BRD1: variants seen among roughly 807,000 people sequenced by gnomAD.
BRD1 encodes the protein bromodomain-containing protein 1.
Under a neutral mutation model 107.7 loss-of-function variants are expected in BRD1, and 24 were observed. The ratio of observed to expected loss-of-function variants is 0.22; its 90% CI spans 0.16 to 0.31. The LOEUF is 0.31. Ranked by LOEUF, BRD1 falls within the 10% of genes least tolerant of loss-of-function variation. The pLI, the probability that BRD1 is intolerant of heterozygous loss-of-function variation, is 1.00. For synonymous variants in BRD1, 744 were observed against 686.1 expected, an observed-to-expected ratio of 1.08 and a Z score of -1.32; for missense variants, 1,279 against 1,638.6, an observed-to-expected ratio of 0.78 and a Z score of 3.79.
In BRD1 at chr22:49,794,312, T is replaced by C; in HGVS notation, c.2099-18A>G. 6.3e-7 allele frequency: 1 copy of C among 1,595,724 alleles called. No homozygotes were observed. The highest frequency in any genetic ancestry group is 8.6e-7 in the Non-Finnish European group (1 of 1,168,636). ...CCTGTCCACTGAACCAAAGGACACA[T>C]GCTGTCAGTCATCAGGTCCCACGCA... On this transcript the variant is annotated intron_variant, in intron 6 of 12. Transcript: ENST00000404760.
Position 49,787,531 on chromosome 22 carries a change from A to G in BRD1, c.2716T>C (p.Ser906Pro). The G allele has an allele frequency of 1.2e-6, 2 of 1,610,972 alleles. No individual in the cohort carries two copies. Among genetic ancestry groups the G allele is most frequent in the Non-Finnish European group, 1.7e-6 (2 of 1,178,570 alleles). Reference sequence around the variant, plus strand: ...AAGGTTTTGGTCCCTAGCTGAGGAGAAGTTGGCTGGGTTTCAGTGTTCTTG... The same window carrying G: ...AAGGTTTTGGTCCCTAGCTGAGGAGGAGTTGGCTGGGTTTCAGTGTTCTTG... ...SAKNTETQPT[S>P]PQLGTKTFLS... Residue 906 changes from serine (S) to proline (P), a missense_variant, in exon 8 of 13, where the codon TCT becomes CCT. Ser to Pro is a moderately conservative substitution (Grantham distance 74, BLOSUM62 -1). This residue lies in a region of BRD1 where 263 missense variants were observed against 251.6 expected (regional missense o/e 1.05). Transcript: ENST00000404760.
intron 8 of BRD1, 90 bp downstream of exon 8, chr22:49,787,300 C>CCG (rs1569096783): frequency 6.4e-6 from 1 of 157,274 alleles, no homozygotes; most frequent in Admixed American, 9.5e-5. Flanking sequence ...AAGCTGGACA[C>CCG]CCCCCCCCCC....
chr22:49,795,676 C>T (rs2059517457), intron 6 of BRD1, among the ~76,000 whole-genome samples: 1 of 152,222 alleles, frequency 6.6e-6, no homozygotes, highest in Admixed American at 6.5e-5. Context: ...AACCAGCGTA[C>T]GTCCTGAGCA....
At chr22:49,804,492 T>G in intron 2 of BRD1, 132 bp from the exon 3 acceptor site, 1 of 974,960 alleles carries the variant, frequency 1.0e-6, no homozygotes, top group Admixed American at 3.1e-5. Context: ...ATGACACCTG[T>G]ATTTCTACTA....
chr22:49,793,145 G>C (rs1334523420), intron 7 of BRD1, among the ~76,000 whole-genome samples: 1 of 152,194 alleles, frequency 6.6e-6, no homozygotes, highest in East Asian at 1.9e-4. Flanking sequence ...ACCGGAGCGT[G>C]TCAAGGTCAA....
chr22:49,782,383 C>T (rs1417928029), intron 8 of BRD1, among the ~76,000 whole-genome samples: 11 of 141,584 alleles, frequency 7.8e-5, no homozygotes, highest in Non-Finnish European at 1.2e-4. Flanking sequence ...ACCCACTCCG[C>T]GACAATGCAG....
chr22:49,797,070 T>C (rs1482854928), intron 6 of BRD1, among the ~76,000 whole-genome samples: 7 of 152,180 alleles, frequency 4.6e-5, no homozygotes, highest in African/African-American at 1.4e-4. Context: ...TGACAACCCA[T>C]GTGGGCAGGA....
At chr22:49,826,162 C>A (rs960045394) in intron 1 of BRD1, 3 of 985,260 alleles carry the variant, frequency 3.0e-6, no homozygotes, top group East Asian at 1.1e-4. Flanking sequence ...AGATCAGAAA[C>A]GAACCTGTCA....
chr22:49,813,043 C>T (rs748908745), intron 2 of BRD1, among the ~76,000 whole-genome samples: 9 of 152,186 alleles, frequency 5.9e-5, no homozygotes, highest in Non-Finnish European at 1.2e-4. Context: ...ACCCAGATGA[C>T]TCACCAGGCC....
intron 6 of BRD1, among the ~76,000 whole-genome samples, chr22:49,797,410 C>T (rs1276601006): frequency 2.6e-5 from 4 of 152,164 alleles, no homozygotes; most frequent in East Asian, 1.9e-4. Context: ...GGGTCTGCAT[C>T]GTCGAGACCG....
rs2059033569 is a variant in BRD1 at position 49,774,025 on chromosome 22, C to T, written c.*208G>A. On this transcript the variant is annotated 3_prime_UTR_variant, in exon 13 of 13. Transcript: ENST00000404760. ...GGCCTGGGGACGTGCGACAGACGCA[C>T]TGGGCTGCCCGGACGTGCCCACCCC... The T allele has an allele frequency of 7.3e-6, 4 of 549,544 alleles. No homozygotes were observed. The highest frequency in any genetic ancestry group is 3.7e-5 in the Admixed American group (1 of 27,300). The allele number at this position is 549,544 out of a possible 1,614,324, so 34.0% of individuals were successfully genotyped here.
intron 7 of BRD1, among the ~76,000 whole-genome samples, chr22:49,790,530 C>G (rs1376972338): frequency 6.6e-6 from 1 of 152,208 alleles, no homozygotes; most frequent in East Asian, 1.9e-4. Flanking sequence ...AAATGGTTAT[C>G]TAATCCAAAC....
intron 2 of BRD1, among the ~76,000 whole-genome samples, chr22:49,811,664 G>T (rs1304063745): frequency 6.6e-6 from 1 of 152,244 alleles, no homozygotes; most frequent in African/African-American, 2.4e-5. Context: ...CTTACTGCTG[G>T]AATTTCCCAT....
intron 8 of BRD1, among the ~76,000 whole-genome samples, chr22:49,786,463 A>C (rs2059327369): frequency 6.6e-6 from 1 of 152,252 alleles, no homozygotes; most frequent in African/African-American, 2.4e-5. Context: ...GAGTTCAGTT[A>C]CAAAAGCGCA....
chr22:49,779,278 C>T (rs879904919), intron 8 of BRD1, among the ~76,000 whole-genome samples: 6 of 152,342 alleles, frequency 3.9e-5, no homozygotes, highest in Middle Eastern at 3.4e-3. Context: ...CGTCTGTTCT[C>T]AATGAGCACG....
chr22:49,790,766 G>A (rs1338785494), intron 7 of BRD1, among the ~76,000 whole-genome samples: 3 of 152,176 alleles, frequency 2.0e-5, no homozygotes, highest in Non-Finnish European at 4.4e-5. Context: ...AATCCTGAAG[G>A]GACAAAGCTG....
In BRD1 at chr22:49,798,588, C is replaced by T. The variant is rs1220477998; in HGVS notation, c.1755G>A (p.Arg585=). The T allele has an allele frequency of 6.2e-7, 1 of 1,614,222 alleles. No homozygotes were observed. The change falls in exon 5 of 13, where the codon AGG becomes AGA. Residue 585 remains arginine (R), a synonymous_variant. Coordinates refer to ENST00000404760, the MANE Select transcript of BRD1 (RefSeq NM_001304808.3). ...LDQLQDKDPA[R]IFAQPVSLKE... is the part of the protein sequence containing the mutation. ...TCAGACTCACGGGCTGCGCAAATAT[C>T]CTGGCGGGGTCCTTGTCTTGCAGCT...
intron 8 of BRD1, among the ~76,000 whole-genome samples, chr22:49,784,039 T>G (rs1250117725): frequency 6.6e-6 from 1 of 152,184 alleles, no homozygotes; most frequent in Non-Finnish European, 1.5e-5. Context: ...CTCAGCCTCC[T>G]CCCTGAACAG....
chr22:49,798,838 A>C, intron 4 of BRD1, 150 bp downstream of exon 4: 1 of 1,432,170 alleles, frequency 7.0e-7, no homozygotes, highest in Non-Finnish European at 9.2e-7. Context: ...TCTGCAACCC[A>C]TGGCAGCCAG....
Sources: gnomAD v4.1 joint callset for allele counts (sites outside exome capture counted in the v4.1 genomes callset) on GRCh38, gnomAD v4.1.1 for gene constraint, gnomAD v4.1.1 regional missense constraint, MANE v1.5 for transcripts, NCBI Gene and HGNC (gene_info 2026-07-23, HGNC 2026-07-21) for gene names.